Variants in ITGB8 observed in about 807,000 individuals in gnomAD.
ITGB8 encodes integrin subunit beta 8.
In ITGB8, 30 loss-of-function variants were observed where a neutral mutation model predicts 89.5. That is an observed-to-expected ratio of 0.34 (90% CI 0.25 to 0.45). The LOEUF (loss-of-function observed/expected upper bound fraction) is 0.45, where lower values mean the gene tolerates loss of function less well. Ranked by LOEUF, ITGB8 falls within the 20% of genes least tolerant of loss-of-function variation. The pLI, the probability that ITGB8 is intolerant of heterozygous loss-of-function variation, is 1.00. For synonymous variants in ITGB8, 335 were observed against 320.4 expected (o/e 1.05, Z -0.49); for missense variants, 836 against 933.3 (o/e 0.90, Z 1.36).
At chr7:20,333,391 A>G (rs1050813185) in intron 1 of ITGB8, among the ~76,000 whole-genome samples, 3 of 152,162 alleles carry the variant, frequency 2.0e-5, no homozygotes, top group African/African-American at 7.2e-5. Context: ...TGTTGCAGCA[A>G]ATTTTCCGCT....
At chr7:20,368,897 T>C (rs1295645501) in intron 3 of ITGB8, among the ~76,000 whole-genome samples, 1 of 152,204 alleles carries the variant, frequency 6.6e-6, no homozygotes, top group Non-Finnish European at 1.5e-5. Flanking sequence ...TTCTTATGCA[T>C]TTCCATATCC....
At chr7:20,399,864 G>T (rs1156390934) in intron 9 of ITGB8, among the ~76,000 whole-genome samples, 1 of 152,188 alleles carries the variant, frequency 6.6e-6, no homozygotes, top group East Asian at 1.9e-4. Context: ...AAAAGAAAAA[G>T]TTATTGAAAG....
intron 5 of ITGB8, 184 bp downstream of exon 5, chr7:20,381,015 C>T (rs1338075317): frequency 1.9e-6 from 1 of 523,870 alleles, no homozygotes; most frequent in Non-Finnish European, 3.3e-6. Context: ...GGGCTAAATT[C>T]AGGGAGGGAT....
chr7:20,373,625 C>T (rs146278763), intron 3 of ITGB8, among the ~76,000 whole-genome samples: 53 of 152,276 alleles, frequency 3.5e-4, no homozygotes, highest in African/African-American at 1.2e-3. Context: ...CTCTCCACCC[C>T]CTGGCACACA....
intron 6 of ITGB8, among the ~76,000 whole-genome samples, chr7:20,385,683 G>C (rs1292344739): frequency 6.6e-6 from 1 of 152,124 alleles, no homozygotes; most frequent in Non-Finnish European, 1.5e-5. Flanking sequence ...ATGCCATTTA[G>C]GAAGCTTTCT....
In ITGB8 at chr7:20,331,847, T is replaced by C. The variant is rs751170356; in HGVS notation, c.41T>C (p.Val14Ala). Residue 14 changes from valine to alanine, a missense_variant, in exon 1 of 14, where the codon GTC becomes GCC. This residue lies in a region of ITGB8 where 182 missense variants were observed against 177.0 expected (regional missense o/e 1.03). Coordinates refer to ENST00000222573, the MANE Select transcript of ITGB8 (RefSeq NM_002214.3). ...CTGGCTTTTTTTACCGCTGCATTTG[T>C]CTGCCTGCAAAACGACCGGCGAGGT... Reference protein sequence around the residue: ...SALAFFTAAFVCLQNDRRGPA... With the variant: ...SALAFFTAAFACLQNDRRGPA... 1 of 1,613,830 alleles carries C rather than the reference T, an allele frequency of 6.2e-7. No homozygotes were observed. Among genetic ancestry groups the C allele is most frequent in the South Asian group, 1.1e-5 (1 of 91,066 alleles).
rs550941466 is a variant in ITGB8 at position 20,395,221 on chromosome 7, G to A, written c.1146+236G>A. Among the ~76,000 whole-genome samples the A allele has an allele frequency of 1.1e-4, 16 of 152,332 alleles. No individual in the cohort carries two copies. In the South Asian group the frequency reaches 3.3e-3, roughly 32 times the overall value. ...TTGACAGTCAACAGAGATTGGGCTA[G>A]AGGCTATCTAAATTTCCTTCTACAT... On this transcript the variant is annotated intron_variant, in intron 8 of 13. Transcript: ENST00000222573.
intron 1 of ITGB8, among the ~76,000 whole-genome samples, chr7:20,351,159 A>G (rs956091361): frequency 7.2e-5 from 11 of 152,244 alleles, no homozygotes; most frequent in African/African-American, 2.7e-4. Flanking sequence ...TACTACTTGT[A>G]TTAAAGAATT....
At chr7:20,332,925 C>CTTT (rs34506325) in intron 1 of ITGB8, among the ~76,000 whole-genome samples, 1 of 142,988 alleles carries the variant, frequency 7.0e-6, no homozygotes, top group Non-Finnish European at 1.5e-5. Context: ...GTCATACTTT[C>CTTT]TTTTTTTTTT....
At chr7:20,347,859 C>G (rs995273582) in intron 1 of ITGB8, among the ~76,000 whole-genome samples, 1 of 152,070 alleles carries the variant, frequency 6.6e-6, no homozygotes, top group African/African-American at 2.4e-5. Context: ...GTGAAAATAG[C>G]CAAAGACATA....
chr7:20,373,640 T>C (rs1252961483), intron 3 of ITGB8, among the ~76,000 whole-genome samples: 2 of 152,182 alleles, frequency 1.3e-5, no homozygotes, highest in Non-Finnish European at 2.9e-5. Flanking sequence ...CACACATTCC[T>C]CACTTTATTT....
intron 1 of ITGB8, among the ~76,000 whole-genome samples, chr7:20,335,878 A>G (rs573713224): frequency 6.7e-6 from 1 of 148,350 alleles, no homozygotes; most frequent in South Asian, 2.1e-4. Flanking sequence ...TTGGACCCAC[A>G]CTCTCTTGGT....
chr7:20,352,048 C>T (rs1450606522), intron 1 of ITGB8, among the ~76,000 whole-genome samples: 2 of 152,194 alleles, frequency 1.3e-5, no homozygotes, highest in African/African-American at 4.8e-5. Context: ...GAGTGTGCCT[C>T]ATAAACAGGA....
In ITGB8 at chr7:20,380,722, C is replaced by G; in HGVS notation, c.692C>G (p.Thr231Arg). The change falls in exon 5 of 14, where the codon ACA becomes AGA. Residue 231 changes from threonine (T) to arginine (R), a missense_variant. Around this residue, in one of 5 missense-constraint regions of ITGB8, gnomAD observed 192 missense variants for 267.1 expected, o/e 0.72. Coordinates refer to ENST00000222573, the MANE Select transcript of ITGB8 (RefSeq NM_002214.3). The stretch of plus-strand genomic sequence containing the variant: ...GGATACATCCATGTGCTGTCTTTGA[C>G]AGAGAACATCACTGAGTTTGAGAAA... ...PHGYIHVLSL[T>R]ENITEFEKAV... 6.2e-7 allele frequency: 1 copy of G among 1,613,120 alleles called. No homozygotes were observed. Among genetic ancestry groups the G allele is most frequent in the Non-Finnish European group, 8.5e-7 (1 of 1,179,076 alleles).
intron 7 of ITGB8, among the ~76,000 whole-genome samples, chr7:20,393,809 C>T (rs1236632291): frequency 6.6e-6 from 1 of 152,212 alleles, no homozygotes; most frequent in East Asian, 1.9e-4. Context: ...TACTTTAAGG[C>T]ATGGCTTATA....
chr7:20,360,775 A>G (rs184460733), intron 1 of ITGB8, among the ~76,000 whole-genome samples: 2 of 152,118 alleles, frequency 1.3e-5, no homozygotes, highest in Non-Finnish European at 2.9e-5. Context: ...TTGATTCCAT[A>G]TGTTTGCCAT....
chr7:20,340,123 C>G (rs369270868), intron 1 of ITGB8, among the ~76,000 whole-genome samples: 2 of 152,346 alleles, frequency 1.3e-5, no homozygotes, highest in East Asian at 1.9e-4. Context: ...AGCCAACCAT[C>G]ACTGCTATAA....
intron 3 of ITGB8, among the ~76,000 whole-genome samples, chr7:20,376,943 C>A (rs981453745): frequency 4.6e-5 from 7 of 152,236 alleles, no homozygotes. Context: ...CCCACACTCT[C>A]ACACCCCAAC....
At chr7:20,386,491 C>T (rs1465943743) in intron 6 of ITGB8, among the ~76,000 whole-genome samples, 3 of 149,164 alleles carry the variant, frequency 2.0e-5, no homozygotes, top group Non-Finnish European at 4.4e-5. Flanking sequence ...ATCTCCTGAC[C>T]TCATGATCCA....
Sources: gnomAD v4.1 joint callset for allele counts (sites outside exome capture counted in the v4.1 genomes callset) on GRCh38, gnomAD v4.1.1 for gene constraint, gnomAD v4.1.1 regional missense constraint, MANE v1.5 for transcripts, NCBI Gene and HGNC (gene_info 2026-07-23, HGNC 2026-07-21) for gene names.